CSMD3: variants seen among roughly 807,000 people sequenced by gnomAD.
CSMD3 encodes CUB and Sushi multiple domains 3.
Under a neutral mutation model 435.2 loss-of-function variants are expected in CSMD3, and 177 were observed. The observed-to-expected ratio is 0.41, with a 90% CI of 0.36 to 0.46. CSMD3 has a LOEUF of 0.46. Among genes scored for constraint, CSMD3 ranks in the 20% least tolerant of loss-of-function variants. The pLI is 0.34. For synonymous variants in CSMD3, 1,656 were observed against 1,520.5 expected, an observed-to-expected ratio of 1.09 and a Z score of -2.07; for missense variants, 4,265 against 4,504.6, an observed-to-expected ratio of 0.95 and a Z score of 1.52.
In CSMD3 at chr8:112,301,856, C is replaced by T. The variant is rs747138368; in HGVS notation, c.8377G>A (p.Gly2793Ser). 1 of 1,613,816 alleles carries T rather than the reference C, an allele frequency of 6.2e-7. No homozygotes were observed. Among genetic ancestry groups the T allele is most frequent in the Non-Finnish European group, 8.5e-7 (1 of 1,179,834 alleles). ...FTCDLGFMLVGSAVRECLSSG... is the reference protein window; with the variant it reads ...FTCDLGFMLVSSAVRECLSSG... ...GAAAGGCATTCCCTTACAGCAGAGC[C>T]CACAAGCATGAATCCCAAGTCGCAG... The change falls in exon 53 of 71, where the codon GGC (glycine) becomes AGC (serine). Residue 2793 changes from glycine (G) to serine (S), a missense_variant. Gly to Ser is a moderately conservative substitution (Grantham distance 56, BLOSUM62 0). This residue lies in a region of CSMD3 where 3,255 missense variants were observed against 3,380.2 expected (regional missense o/e 0.96). Transcript: ENST00000297405.
intron 59 of CSMD3, among the ~76,000 whole-genome samples, chr8:112,279,185 A>G (rs1238005622): frequency 6.6e-6 from 1 of 152,228 alleles, no homozygotes; most frequent in Non-Finnish European, 1.5e-5. Flanking sequence ...TGGATTTCAC[A>G]TCTCCACAAT....
At chr8:112,501,927 C>G (rs576859305) in intron 30 of CSMD3, among the ~76,000 whole-genome samples, 6 of 152,028 alleles carry the variant, frequency 3.9e-5, no homozygotes, top group Admixed American at 6.6e-5. Context: ...GGGGCCAAAT[C>G]AATTTTCAGA....
At chr8:112,917,351 T>A (rs1003603135) in intron 10 of CSMD3, among the ~76,000 whole-genome samples, 2 of 151,884 alleles carry the variant, frequency 1.3e-5, no homozygotes, top group African/African-American at 4.8e-5. Context: ...AATAAGGGAA[T>A]ATTGAAATAG....
chr8:113,261,726 T>C (rs1356192960), intron 3 of CSMD3, among the ~76,000 whole-genome samples: 1 of 152,018 alleles, frequency 6.6e-6, no homozygotes, highest in Non-Finnish European at 1.5e-5. Flanking sequence ...CTCTAAAAAA[T>C]ACAAAATAAA....
At position 112,638,678 on chromosome 8, in the gene CSMD3, T is replaced by G. The variant is rs2074733352; in HGVS notation, c.3526+18A>C. 11 of 1,458,464 alleles carry G rather than the reference T, an allele frequency of 7.5e-6. No individual in the cohort carries two copies. The highest frequency in any genetic ancestry group is 9.6e-6 in the Non-Finnish European group (10 of 1,039,558). The allele number at this position is 1,458,464 out of a possible 1,614,324, so 90.3% of individuals were successfully genotyped here. A position where few individuals can be genotyped will look rare whatever the true frequency, so the allele number is the denominator to read the frequency against. ...TTAAAAGTTACTGAATGAGCCCTTT[T>G]GTTTTTTATTTTCTCACCAGAGAAT... On this transcript the variant is annotated intron_variant, in intron 21 of 70. Coordinates refer to ENST00000297405, the MANE Select transcript of CSMD3 (RefSeq NM_198123.2).
chr8:113,200,687 G>C (rs753126188), intron 3 of CSMD3, among the ~76,000 whole-genome samples: 4 of 150,694 alleles, frequency 2.7e-5, no homozygotes, highest in African/African-American at 9.7e-5. Flanking sequence ...GCTTCATAAC[G>C]AAATGAAGAT....
chr8:113,238,250 A>T (rs1314720504), intron 3 of CSMD3, among the ~76,000 whole-genome samples: 1 of 152,158 alleles, frequency 6.6e-6, no homozygotes. Context: ...CTGAACCATC[A>T]GTAATCTAGG....
chr8:112,408,289 G>C (rs1232078975), intron 34 of CSMD3, 29 bp downstream of exon 34: 3 of 1,246,144 alleles, frequency 2.4e-6, no homozygotes, highest in African/African-American at 1.5e-5. Flanking sequence ...TCATTCCTTA[G>C]TGTGTTTCTA....
At position 112,281,353 on chromosome 8, in the gene CSMD3, A is replaced by C; in HGVS notation, c.9332-3T>G. On this transcript the variant is annotated splice_region_variant and splice_polypyrimidine_tract_variant and intron_variant, in intron 58 of 70. Coordinates refer to ENST00000297405, the MANE Select transcript of CSMD3 (RefSeq NM_198123.2). ...TCCTGGGTTACCACACTGCACAGCTATAAAACAAAGTGTTTAAGAGTATAT... is the reference window on the plus strand; with the variant it reads ...TCCTGGGTTACCACACTGCACAGCTCTAAAACAAAGTGTTTAAGAGTATAT... 1 of 1,611,720 alleles carries C rather than the reference A, an allele frequency of 6.2e-7. No individual in the cohort carries two copies. Among genetic ancestry groups the C allele is most frequent in the East Asian group, 2.2e-5 (1 of 44,778 alleles).
At chr8:113,016,485 G>A (rs890489367) in intron 6 of CSMD3, among the ~76,000 whole-genome samples, 3 of 151,748 alleles carry the variant, frequency 2.0e-5, no homozygotes, top group African/African-American at 4.8e-5. Flanking sequence ...CCCACTAGTA[G>A]TTTGCAGTTA....
intron 3 of CSMD3, among the ~76,000 whole-genome samples, chr8:113,196,584 T>A (rs2092658565): frequency 6.6e-6 from 1 of 151,262 alleles, no homozygotes; most frequent in East Asian, 1.9e-4. Flanking sequence ...TTTTATTTTT[T>A]AAATGTAATT....
intron 2 of CSMD3, among the ~76,000 whole-genome samples, chr8:113,288,886 T>C (rs1185669573): frequency 6.6e-6 from 1 of 151,840 alleles, no homozygotes; most frequent in African/African-American, 2.4e-5. Flanking sequence ...TTGGGAGATT[T>C]AATTGGGATA....
At chr8:113,086,402 A>T (rs1296917456) in intron 5 of CSMD3, among the ~76,000 whole-genome samples, 1 of 152,220 alleles carries the variant, frequency 6.6e-6, no homozygotes, top group Non-Finnish European at 1.5e-5. Context: ...ATAGGTTATA[A>T]ATTGAACCTG....
At chr8:112,254,112 TGCTGTCTGTTACCC>T in intron 63 of CSMD3, 127 bp downstream of exon 63, 13 of 734,236 alleles carry the variant, frequency 1.8e-5, no homozygotes, top group South Asian at 6.3e-5. Context: ...TCCACTCTTT[TGCTGTCTGTTACCC>T]TTTTTATGTG....
At chr8:112,778,683 T>C (rs1018862537) in intron 13 of CSMD3, among the ~76,000 whole-genome samples, 3 of 152,002 alleles carry the variant, frequency 2.0e-5, no homozygotes, top group Non-Finnish European at 4.4e-5. Context: ...TTTGAGTTCA[T>C]TTGCGTAAAT....
rs117055276 is a variant in CSMD3 at position 112,507,785 on chromosome 8, G to A, written c.4757-956C>T. On this transcript the variant is annotated intron_variant, in intron 28 of 70. Transcript: ENST00000297405. ...TATGTAATATCATCACTACGGTTTG[G>A]TAATTTTTCCATTGTCTTTTGTCTG... 5.3e-3 allele frequency among the ~76,000 whole-genome samples: 813 copies of A among 152,220 alleles called. 5 individuals are homozygous for A. Among genetic ancestry groups the A allele is most frequent in the Non-Finnish European group, 8.3e-3 (563 of 68,004 alleles).
At position 112,279,740 on chromosome 8, in the gene CSMD3, C is replaced by A. The variant is rs550160740; in HGVS notation, c.9508+1434G>T. Among the ~76,000 whole-genome samples, 5 of 152,188 alleles carry A rather than the reference C, an allele frequency of 3.3e-5. No individual in the cohort carries two copies. In the East Asian group the frequency reaches 9.7e-4, roughly 29 times the overall value. ...TTACCACAGCCTAAATACCCTGATG[C>A]CCCTGATTAAGACCTCCATATCAAT... On this transcript the variant is annotated intron_variant, in intron 59 of 70. Transcript: ENST00000297405.
chr8:112,306,261 T>C (rs1257265177), intron 50 of CSMD3, 69 bp from the exon 51 acceptor site: 1 of 1,176,586 alleles, frequency 8.5e-7, no homozygotes, highest in Non-Finnish European at 1.2e-6. Context: ...GTAACTCTGC[T>C]GAACTGTAAA....
At chr8:113,130,812 C>A (rs900478951) in intron 4 of CSMD3, among the ~76,000 whole-genome samples, 3 of 152,064 alleles carry the variant, frequency 2.0e-5, no homozygotes, top group Non-Finnish European at 4.4e-5. Context: ...GACCGAAATG[C>A]TGATAGTGAT....
Sources: allele counts gnomAD v4.1 joint callset (sites outside exome capture counted in the v4.1 genomes callset), GRCh38; gene constraint gnomAD v4.1.1; regional missense constraint gnomAD v4.1.1; transcripts MANE v1.5; gene names NCBI Gene and HGNC (gene_info 2026-07-23, HGNC 2026-07-21).